Variants in SGSM2 observed in about 807,000 individuals in gnomAD.
SGSM2 encodes the protein RUN and TBC1 domain containing 1.
In SGSM2, 89 loss-of-function variants were observed where a neutral mutation model predicts 126.6. The observed-to-expected ratio is 0.70, with a 90% confidence interval of 0.59 to 0.84. The LOEUF is 0.84. Ranked by LOEUF, SGSM2 falls within the 40% of genes least tolerant of loss-of-function variation. The pLI, the probability that SGSM2 is intolerant of heterozygous loss-of-function variation, is 0.00. For synonymous variants in SGSM2, 614 were observed against 574.3 expected (o/e 1.07, Z -0.99); for missense variants, 1,404 against 1,416.6 (o/e 0.99, Z 0.14).
chr17:2,347,946 C>G (rs180943237), intron 2 of SGSM2, among the ~76,000 whole-genome samples: 14 of 152,294 alleles, frequency 9.2e-5, no homozygotes, highest in Non-Finnish European at 1.2e-4. Context: ...GGGATTGGGG[C>G]AGACACCAGC....
At position 2,375,870 on chromosome 17, in the gene SGSM2, T is replaced by TACACTGTGCGTACATGCTCCCC; in HGVS notation, c.2481_2484+18dup. 1 of 1,519,970 alleles carries TACACTGTGCGTACATGCTCCCC rather than the reference T, an allele frequency of 6.6e-7. No individual in the cohort carries two copies. The highest frequency in any genetic ancestry group is 8.8e-7 in the Non-Finnish European group (1 of 1,141,890). 94.2% of individuals were successfully genotyped at this position (1,519,970 alleles called of 1,614,324 possible). On this transcript the variant is annotated frameshift_variant, in exon 18 of 24. Transcript: ENST00000268989. LOFTEE classifies it high-confidence loss of function. ...GCTTGCGGCTGTGTGTGCGGCTGCC[T>TACACTGTGCGTACATGCTCCCC]ACACTGTGCGTACATGCTCCCCAGG...
chr17:2,349,365 A>G (rs2064748845), intron 2 of SGSM2, among the ~76,000 whole-genome samples: 1 of 109,604 alleles, frequency 9.1e-6, no homozygotes, highest in Non-Finnish European at 1.9e-5. Context: ...ACAGAGCGAG[A>G]CTTGGTCTAA....
At position 2,367,441 on chromosome 17, in the gene SGSM2, C is replaced by T. The variant is rs1293080415; in HGVS notation, c.1423+36C>T. On this transcript the variant is annotated intron_variant, in intron 12 of 23. Transcript: ENST00000268989. This position sits in a 1 kb window ranked among gnomAD's most constrained non-coding sequence, Gnocchi z 4.0. ...CTCCCTCTCCCTGACCCACCTCATC[C>T]CCACCCTCCCTCCCGGGCCCGCCTG... The T allele has an allele frequency of 6.3e-7, 1 of 1,597,370 alleles. No homozygotes were observed. The highest frequency in any genetic ancestry group is 2.2e-5 in the East Asian group (1 of 44,606).
chr17:2,353,705 C>T (rs1229591211), intron 2 of SGSM2, among the ~76,000 whole-genome samples: 4 of 151,868 alleles, frequency 2.6e-5, no homozygotes, highest in Admixed American at 6.6e-5. Context: ...GCAGAGGTTA[C>T]GGTGAACAGA....
Position 2,365,271 on chromosome 17 carries a change from G to A in SGSM2, c.1218G>A (p.Glu406=). ...GCAGCATTCGCTCCGTGGATATGGA[G>A]GAGATGGGCACGGGGCGGGCCACCG... ...KRSSIRSVDM[E]EMGTGRATDY... The change falls in exon 11 of 24, where the codon GAG becomes GAA. Residue 406 remains glutamate (E), a synonymous_variant. Transcript: ENST00000268989. 3 of 1,608,636 alleles carry A rather than the reference G, an allele frequency of 1.9e-6. No homozygotes were observed. The highest frequency in any genetic ancestry group is 2.5e-6 in the Non-Finnish European group (3 of 1,177,474).
At position 2,375,521 on chromosome 17, in the gene SGSM2, C is replaced by T. The variant is rs1375577013; in HGVS notation, c.2130C>T (p.Pro710=). The T allele has an allele frequency of 6.2e-7, 1 of 1,612,224 alleles. No individual in the cohort carries two copies. The highest frequency in any genetic ancestry group is 8.5e-7 in the Non-Finnish European group (1 of 1,179,128). ...TTATCTCAGTGGATGATCTGGAACC[C>T]CCGGAGCCCCAGGACCCTGAAGATT... ...DVFISVDDLE[P]PEPQDPEDSR... The change falls in exon 18 of 24, where the codon CCC becomes CCT. Residue 710 remains proline (P), a synonymous_variant. Coordinates refer to ENST00000268989, the MANE Select transcript of SGSM2 (RefSeq NM_014853.3).
At chr17:2,357,316 A>C (rs940144204) in intron 2 of SGSM2, among the ~76,000 whole-genome samples, 1 of 152,020 alleles carries the variant, frequency 6.6e-6, no homozygotes, top group Non-Finnish European at 1.5e-5. Flanking sequence ...TAGAGAATGT[A>C]CCTGGGCTCA....
intron 20 of SGSM2, 29 bp downstream of exon 20, chr17:2,376,844 CT>C: frequency 2.5e-6 from 4 of 1,613,150 alleles, no homozygotes; most frequent in Non-Finnish European, 3.4e-6. Flanking sequence ...TGGGACTGGG[CT>C]GCGTAAGCTG....
In SGSM2 at chr17:2,375,858, T is replaced by C. The variant is rs368363543; in HGVS notation, c.2467T>C (p.Cys823Arg). 107 of 1,524,978 alleles carry C rather than the reference T, an allele frequency of 7.0e-5. No homozygotes were observed. In the African/African-American group the frequency reaches 1.2e-3, roughly 17 times the overall value. 94.5% of individuals were successfully genotyped at this position (1,524,978 alleles called of 1,614,324 possible). The change falls in exon 18 of 24, where the codon TGT becomes CGT. Residue 823 changes from cysteine (C) to arginine (R), a missense_variant. Cys to Arg is a radical substitution (Grantham distance 180). Transcript: ENST00000268989. ...GGCCGGAGAGGAGCTTGCGGCTGTGTGTGCGGCTGCCTACACTGTGCGTAC... is the reference window on the plus strand; with the variant it reads ...GGCCGGAGAGGAGCTTGCGGCTGTGCGTGCGGCTGCCTACACTGTGCGTAC... ...LEAGEELAAV[C>R]AAAYTIELLD...
In SGSM2 at chr17:2,365,057, G is replaced by A. The variant is rs765338083; in HGVS notation, c.1161G>A (p.Lys387=). The change falls in exon 10 of 24, where the codon AAG becomes AAA. Residue 387 remains lysine (K), a splice_region_variant and synonymous_variant. Transcript: ENST00000268989. ...CCCCGCTGTGGACCCAGCAAGGGAA[G>A]GTAACTCGGGTGGGAGGCTTTAGGG... is the stretch of plus-strand genomic sequence containing the variant. ...LEPPLWTQQG[K]GKVFPKLRKR... is the part of the protein sequence containing the mutation. The A allele has an allele frequency of 3.1e-6, 5 of 1,611,814 alleles. No individual in the cohort carries two copies. Among genetic ancestry groups the A allele is most frequent in the Non-Finnish European group, 1.7e-6 (2 of 1,179,050 alleles).
At chr17:2,378,898 T>C in intron 22 of SGSM2, 138 bp from the exon 23 acceptor site, 1 of 1,030,326 alleles carries the variant, frequency 9.7e-7, no homozygotes, top group East Asian at 2.6e-5. Flanking sequence ...GAGCAGCCAG[T>C]CCGGCCAGCA....
At chr17:2,351,738 T>C (rs2064861956) in intron 2 of SGSM2, among the ~76,000 whole-genome samples, 1 of 152,108 alleles carries the variant, frequency 6.6e-6, no homozygotes, top group South Asian at 2.1e-4. Context: ...TTTTTGTATT[T>C]TTGTAGAGAC....
intron 2 of SGSM2, among the ~76,000 whole-genome samples, chr17:2,348,619 G>A (rs979337449): frequency 8.5e-5 from 13 of 152,132 alleles, no homozygotes; most frequent in East Asian, 1.9e-4. Context: ...GCTGTGCCAC[G>A]AAGTGTGTAG....
At chr17:2,376,291 A>G (rs757252640) in intron 19 of SGSM2, 30 bp downstream of exon 19, 1 of 1,597,560 alleles carries the variant, frequency 6.3e-7, no homozygotes, top group Admixed American at 1.7e-5. Flanking sequence ...TCAGGGTGGG[A>G]GGCGGGACCC....
intron 23 of SGSM2, 81 bp downstream of exon 23, chr17:2,379,284 G>A (rs766797559): frequency 3.2e-6 from 5 of 1,573,364 alleles, no homozygotes; most frequent in African/African-American, 2.7e-5. Context: ...CAGCTGGAGG[G>A]TTCTCAGGAA....
intron 19 of SGSM2, 168 bp from the exon 20 acceptor site, chr17:2,376,565 C>T (rs889422962): frequency 1.1e-5 from 9 of 784,662 alleles, no homozygotes; most frequent in East Asian, 2.5e-5. Flanking sequence ...GGGGGGGACC[C>T]GTGGGTTGTT....
rs1182590397 is a variant in SGSM2 at position 2,345,638 on chromosome 17, C to T, written c.133+2018C>T. On this transcript the variant is annotated intron_variant, in intron 2 of 23. Transcript: ENST00000268989. ...AAAATTCCTACTTTTTAAATACTGA[C>T]AGCTAATTCCCATTTAAAAAAAAAT... is the stretch of plus-strand genomic sequence containing the variant. 2.7e-5 allele frequency among the ~76,000 whole-genome samples: 4 copies of T among 149,244 alleles called. No individual in the cohort carries two copies. The South Asian group carries it at 8.7e-4, about 32-fold the overall frequency.
intron 9 of SGSM2, 58 bp downstream of exon 9, chr17:2,364,721 G>A (rs1427597196): frequency 5.0e-6 from 8 of 1,596,710 alleles, no homozygotes; most frequent in African/African-American, 1.3e-5. Context: ...TCTGCCAGCT[G>A]TGCACTGTGC....
chr17:2,364,521 A>T, intron 8 of SGSM2, 75 bp from the exon 9 acceptor site: 1 of 1,517,370 alleles, frequency 6.6e-7, no homozygotes, highest in South Asian at 1.1e-5. Flanking sequence ...GTGGGGTGGT[A>T]GGACCAGGAG....
Sources: gnomAD v4.1 joint callset for allele counts (sites outside exome capture counted in the v4.1 genomes callset) on GRCh38, gnomAD v4.1.1 for gene constraint, Gnocchi (gnomAD v3.1) non-coding constraint, MANE v1.5 for transcripts, NCBI Gene and HGNC (gene_info 2026-07-23, HGNC 2026-07-21) for gene names.